The following COL27A1 variants were observed in gnomAD, a reference collection of about 807,000 sequenced individuals.
COL27A1 encodes collagen alpha-1(XXVII) chain.
Under a neutral mutation model 251.3 loss-of-function variants are expected in COL27A1, and 106 were observed. That is an observed-to-expected ratio of 0.42 (90% CI 0.36 to 0.50). COL27A1 has a LOEUF of 0.50. Among genes scored for constraint, COL27A1 ranks in the 20% least tolerant of loss-of-function variants. The probability of loss-of-function intolerance (pLI) is 0.00; values close to 1 mark genes in which losing one functional copy is unlikely to be tolerated. For missense variants in COL27A1, 2,325 were observed against 2,522.8 expected (o/e 0.92, Z 1.68); for synonymous variants, 1,000 against 986.3 (o/e 1.01, Z -0.26).
chr9:114,308,469 G>A (rs1403550465), intron 59 of COL27A1, among the ~76,000 whole-genome samples: 2 of 152,234 alleles, frequency 1.3e-5, no homozygotes. Flanking sequence ...GAATCTCTAG[G>A]AGAGGCAGCC....
In COL27A1 at chr9:114,183,060, C is replaced by G; in HGVS notation, c.2001C>G (p.Gly667=). ...PGPYGNPGLP[G]PPGAKGQKGD... is the part of the protein sequence containing the mutation. ...CTTATGGAAATCCAGGTCTCCCCGG[C>G]CCTCCTGGAGCCAAAGTGAGTATTT... The change falls in exon 5 of 61, where the codon GGC becomes GGG. Residue 667 remains glycine, a synonymous_variant. Coordinates refer to ENST00000356083, the MANE Select transcript of COL27A1 (RefSeq NM_032888.4). 6.2e-7 allele frequency: 1 copy of G among 1,613,380 alleles called. No individual in the cohort carries two copies. Among genetic ancestry groups the G allele is most frequent in the Non-Finnish European group, 8.5e-7 (1 of 1,179,908 alleles).
chr9:114,214,880 G>A (rs1039660901), intron 12 of COL27A1, among the ~76,000 whole-genome samples: 1 of 152,242 alleles, frequency 6.6e-6, no homozygotes, highest in African/African-American at 2.4e-5. Flanking sequence ...CTGGCTTGTT[G>A]GGCATGGCTC....
At chr9:114,206,328 G>A (rs1422412565) in intron 10 of COL27A1, 32 bp downstream of exon 10, 3 of 1,612,072 alleles carry the variant, frequency 1.9e-6, no homozygotes, top group Non-Finnish European at 2.5e-6. Context: ...CCACATGGGT[G>A]GGGTTCTAGG....
intron 14 of COL27A1, among the ~76,000 whole-genome samples, chr9:114,229,475 C>A (rs1008392316): frequency 6.6e-6 from 1 of 152,230 alleles, no homozygotes; most frequent in Admixed American, 6.5e-5. Flanking sequence ...CAGGCAGCTC[C>A]GACAAGAACT....
At chr9:114,241,741 A>G (rs1345600630) in intron 21 of COL27A1, among the ~76,000 whole-genome samples, 2 of 152,246 alleles carry the variant, frequency 1.3e-5, no homozygotes, top group Non-Finnish European at 2.9e-5. Flanking sequence ...AAGAAAGAAT[A>G]AGGCATCACT....
At chr9:114,225,534 T>C (rs1185018234) in intron 14 of COL27A1, among the ~76,000 whole-genome samples, 2 of 152,184 alleles carry the variant, frequency 1.3e-5, no homozygotes, top group African/African-American at 4.8e-5. Flanking sequence ...CCTTCCACCC[T>C]GGATTTTTGG....
intron 37 of COL27A1, among the ~76,000 whole-genome samples, chr9:114,280,148 C>T (rs568415256): frequency 6.6e-6 from 1 of 151,966 alleles, no homozygotes; most frequent in East Asian, 1.9e-4. Context: ...AATGTAGGTT[C>T]ATATACCCAA....
chr9:114,288,782 G>C, intron 43 of COL27A1, 27 bp downstream of exon 43: 1 of 1,607,148 alleles, frequency 6.2e-7, no homozygotes, highest in East Asian at 2.2e-5. Context: ...CTACCTGCTG[G>C]CAGGATCGGG....
rs1008921995 is a variant in COL27A1 at position 114,246,035 on chromosome 9, G to C, written c.2979+125G>C. On this transcript the variant is annotated intron_variant, in intron 24 of 60. Transcript: ENST00000356083. ...ATTCTCAGAACAACTCCAGAGGTAGGTTCAGTCCTCTACCCCTTTCACGAA... is the reference window on the plus strand; with the variant it reads ...ATTCTCAGAACAACTCCAGAGGTAGCTTCAGTCCTCTACCCCTTTCACGAA... The C allele has an allele frequency of 6.3e-6, 5 of 799,002 alleles. No homozygotes were observed. In the African/African-American group the frequency reaches 8.8e-5, roughly 14 times the overall value. 49.5% of individuals were successfully genotyped at this position (799,002 alleles called of 1,614,324 possible).
intron 31 of COL27A1, 55 bp downstream of exon 31, chr9:114,265,165 GGGCGGGT>G: frequency 1.9e-6 from 1 of 516,524 alleles, no homozygotes; most frequent in Non-Finnish European, 3.7e-6. Flanking sequence ...TGGGGGTGGG[GGGCGGGT>G]GCGGTGCTGA....
Position 114,270,800 on chromosome 9 carries a change from C to A in COL27A1, c.3609+19C>A. 6.2e-7 allele frequency: 1 copy of A among 1,605,652 alleles called. No individual in the cohort carries two copies. On this transcript the variant is annotated intron_variant, in intron 36 of 60. Transcript: ENST00000356083. ...GCTGAAGGTAAGTGCCCTTTTAGGGCAGGGCCTGGGGACCCCGGCAGGGCA... is the reference window on the plus strand; with the variant it reads ...GCTGAAGGTAAGTGCCCTTTTAGGGAAGGGCCTGGGGACCCCGGCAGGGCA...
In COL27A1 at chr9:114,243,481, C is replaced by G. The variant is rs150897560; in HGVS notation, c.2881-26C>G. 2.3e-4 allele frequency: 367 copies of G among 1,612,002 alleles called. 2 individuals are homozygous for G. In the African/African-American group the frequency reaches 4.3e-3, roughly 19 times the overall value. On this transcript the variant is annotated intron_variant, in intron 22 of 60. Coordinates refer to ENST00000356083, the MANE Select transcript of COL27A1 (RefSeq NM_032888.4). Reference sequence around the variant, plus strand: ...GCCATGTTGCCCCTGTCCAGCTTCTCCCACTTACCTGTCTCTCTGTTGCAG... The same window carrying G: ...GCCATGTTGCCCCTGTCCAGCTTCTGCCACTTACCTGTCTCTCTGTTGCAG...
intron 14 of COL27A1, among the ~76,000 whole-genome samples, chr9:114,230,211 C>T (rs1831842270): frequency 6.6e-6 from 1 of 152,124 alleles, no homozygotes; most frequent in African/African-American, 2.4e-5. Context: ...AATCACATTC[C>T]TGCCTGGCTC....
At chr9:114,162,978 G>A (rs1848601389) in intron 2 of COL27A1, among the ~76,000 whole-genome samples, 193 bp downstream of exon 2, 1 of 152,110 alleles carries the variant, frequency 6.6e-6, no homozygotes, top group Non-Finnish European at 1.5e-5. Context: ...GCTCAAGACT[G>A]CAGTCCCAGC....
At chr9:114,223,480 G>T (rs1052901430) in intron 14 of COL27A1, among the ~76,000 whole-genome samples, 1 of 152,110 alleles carries the variant, frequency 6.6e-6, no homozygotes, top group Admixed American at 6.5e-5. Flanking sequence ...ACCTGGGTGG[G>T]GTGGGCAGGA....
intron 7 of COL27A1, among the ~76,000 whole-genome samples, chr9:114,200,916 C>T (rs1054060691): frequency 5.9e-5 from 9 of 152,046 alleles, no homozygotes; most frequent in African/African-American, 1.4e-4. Context: ...CTTGCACAGG[C>T]GGAGGTGGAG....
intron 33 of COL27A1, 149 bp downstream of exon 33, chr9:114,266,767 C>T (rs573693579): frequency 3.4e-5 from 23 of 678,242 alleles, no homozygotes; most frequent in East Asian, 5.4e-5. Context: ...GAAGGGTGGA[C>T]GCCCTGGCAG....
intron 58 of COL27A1, 170 bp from the exon 59 acceptor site, chr9:114,307,499 A>T: frequency 1.6e-6 from 1 of 611,754 alleles, no homozygotes; most frequent in Non-Finnish European, 2.9e-6. Flanking sequence ...AGCTCTGCCC[A>T]GAAGGTTTCC....
At chr9:114,264,228 G>A (rs1174159824) in intron 28 of COL27A1, 127 bp from the exon 29 acceptor site, 4 of 646,128 alleles carry the variant, frequency 6.2e-6, no homozygotes, top group African/African-American at 1.9e-5. Context: ...TGTGGGAAGT[G>A]GGAGGAGGAG....
Sources: allele counts gnomAD v4.1 joint callset (sites outside exome capture counted in the v4.1 genomes callset), GRCh38; gene constraint gnomAD v4.1.1; transcripts MANE v1.5; gene names NCBI Gene and HGNC (gene_info 2026-07-23, HGNC 2026-07-21).